Variants in ALPK2 observed in about 807,000 individuals in gnomAD.
ALPK2 encodes the protein alpha-protein kinase 2.
ALPK2 carries 127 observed loss-of-function variants against 163.1 expected under a neutral mutation model. The ratio of observed to expected loss-of-function variants is 0.78; its 90% CI spans 0.67 to 0.90. The LOEUF is 0.90. ALPK2 is among the 40% of genes least tolerant of loss of function. The pLI is 0.00. For missense variants in ALPK2, 2,360 were observed against 2,589.6 expected (o/e 0.91, Z 1.92); for synonymous variants, 953 against 959.1 (o/e 0.99, Z 0.12).
rs1486152969 is a variant in ALPK2 at position 58,579,986 on chromosome 18, G to T, written c.790C>A (p.Pro264Thr). 6.2e-7 allele frequency: 1 copy of T among 1,614,180 alleles called. No homozygotes were observed. The highest frequency in any genetic ancestry group is 2.2e-5 in the East Asian group (1 of 44,886). The change falls in exon 4 of 13, where the codon CCC becomes ACC. Residue 264 changes from proline (P) to threonine (T), a missense_variant. Physicochemically the swap from Pro to Thr is conservative, Grantham distance 38. Coordinates refer to ENST00000361673, the MANE Select transcript of ALPK2 (RefSeq NM_052947.4). Reference sequence around the variant, plus strand: ...AAGCTAATGTATTTCTGTACTTTGGGATTTTGCTGACTAGAGCGTAAGCCT... The same window carrying T: ...AAGCTAATGTATTTCTGTACTTTGGTATTTTGCTGACTAGAGCGTAAGCCT... Reference protein sequence around the residue: ...DEGLRSSQQNPKVQKYISFSL... With the variant: ...DEGLRSSQQNTKVQKYISFSL...
intron 5 of ALPK2, among the ~76,000 whole-genome samples, chr18:58,532,032 A>G (rs1254029453): frequency 6.7e-6 from 1 of 149,676 alleles, no homozygotes; most frequent in Admixed American, 6.7e-5. Context: ...GAAGAGAATT[A>G]TTTTTCCTGT....
At chr18:58,526,240 CAGA>C (rs2051584312) in intron 6 of ALPK2, among the ~76,000 whole-genome samples, 1 of 152,160 alleles carries the variant, frequency 6.6e-6, no homozygotes, top group Admixed American at 6.5e-5. Flanking sequence ...AGAGTGTGAT[CAGA>C]AGAACACAAA....
At chr18:58,616,919 G>A (rs1418388410) in intron 1 of ALPK2, among the ~76,000 whole-genome samples, 2 of 152,120 alleles carry the variant, frequency 1.3e-5, no homozygotes, top group African/African-American at 2.4e-5. Context: ...GGGGGTGGGT[G>A]AGGAGTAGCC....
At chr18:58,527,557 G>C (rs1184399627) in intron 6 of ALPK2, among the ~76,000 whole-genome samples, 1 of 152,210 alleles carries the variant, frequency 6.6e-6, no homozygotes, top group Non-Finnish European at 1.5e-5. Flanking sequence ...AAATATTCAA[G>C]TGGTAATTCT....
At chr18:58,601,410 CAT>C (rs1389288918) in intron 3 of ALPK2, among the ~76,000 whole-genome samples, 5 of 152,198 alleles carry the variant, frequency 3.3e-5, no homozygotes, top group African/African-American at 7.2e-5. Flanking sequence ...AAATTCCACT[CAT>C]GTGAGTACGC....
chr18:58,628,154 A>T (rs2052241383), intron 1 of ALPK2, among the ~76,000 whole-genome samples: 2 of 152,044 alleles, frequency 1.3e-5, no homozygotes, highest in South Asian at 4.2e-4. Context: ...TTTTGCCTTA[A>T]ATTTTTTTTT....
intron 4 of ALPK2, among the ~76,000 whole-genome samples, chr18:58,547,602 A>G (rs1047252620): frequency 1.8e-4 from 27 of 152,350 alleles, no homozygotes; most frequent in African/African-American, 6.5e-4. Context: ...AGAATGCAAC[A>G]CCAGTGGCCT....
rs770352204 is a variant in ALPK2, at chr18:58,537,513, T to G, written c.2674A>C (p.Ser892Arg). The G allele has an allele frequency of 1.2e-5, 19 of 1,612,988 alleles. No individual in the cohort carries two copies. The South Asian group carries it at 2.0e-4, about 17-fold the overall frequency. The change falls in exon 5 of 13, where the codon AGT becomes CGT. Residue 892 changes from serine to arginine, a missense_variant. By Grantham distance (110) the Ser-to-Arg change is moderately radical (BLOSUM62 -1). Coordinates refer to ENST00000361673, the MANE Select transcript of ALPK2 (RefSeq NM_052947.4). ...TGTGAAATGTTCAAGGTGAAAGTACTGGTAAAAAGAGGGGACATGACTGAG... is the reference window on the plus strand; with the variant it reads ...TGTGAAATGTTCAAGGTGAAAGTACGGGTAAAAAGAGGGGACATGACTGAG... ...GNSVMSPLFT[S>R]TFTLNISHTA...
At chr18:58,626,730 A>G (rs1280077770) in intron 1 of ALPK2, among the ~76,000 whole-genome samples, 1 of 152,194 alleles carries the variant, frequency 6.6e-6, no homozygotes, top group Non-Finnish European at 1.5e-5. Flanking sequence ...ACATTCTAAA[A>G]TATCTTTTTT....
chr18:58,537,408 C>A lies in ALPK2; in HGVS notation c.2779G>T (p.Ala927Ser). Residue 927 changes from alanine to serine, a missense_variant, in exon 5 of 13, where the codon GCT (alanine) becomes TCT (serine). Transcript: ENST00000361673. ...CTGGGGCTTGGCTGCTCCTGGCCAGCATGTACTGTGGAGGCCAGTGGGTAG... is the reference window on the plus strand; with the variant it reads ...CTGGGGCTTGGCTGCTCCTGGCCAGAATGTACTGTGGAGGCCAGTGGGTAG... Reference protein sequence around the residue: ...STYPLASTVHAGQEQPSPSNS... With the variant: ...STYPLASTVHSGQEQPSPSNS... 6.2e-7 allele frequency: 1 copy of A among 1,613,690 alleles called. No homozygotes were observed. Among genetic ancestry groups the A allele is most frequent in the Non-Finnish European group, 8.5e-7 (1 of 1,179,720 alleles).
In ALPK2 at chr18:58,485,786, T is replaced by TG. The variant is rs35456524; in HGVS notation, c.6297-3748dup. Among the ~76,000 whole-genome samples, 267 of 151,904 alleles carry TG rather than the reference T, an allele frequency of 1.8e-3. 2 individuals are homozygous for TG. The highest frequency in any genetic ancestry group is 5.8e-3 in the African/African-American group (240 of 41,456). ...TGGATGGTTTAATCCCACCTGCCAC[T>TG]GGGGGGGGACCCCGGTTGCTTCACA... On this transcript the variant is annotated intron_variant, in intron 12 of 12. Coordinates refer to ENST00000361673, the MANE Select transcript of ALPK2 (RefSeq NM_052947.4).
intron 12 of ALPK2, among the ~76,000 whole-genome samples, chr18:58,497,345 A>G (rs1013719417): frequency 2.0e-5 from 3 of 152,246 alleles, no homozygotes; most frequent in Non-Finnish European, 4.4e-5. Context: ...TGGTGGTTCC[A>G]ACACAGAATT....
intron 3 of ALPK2, among the ~76,000 whole-genome samples, chr18:58,586,433 C>A (rs1489274045): frequency 6.6e-6 from 1 of 152,120 alleles, no homozygotes; most frequent in Non-Finnish European, 1.5e-5. Context: ...ATCTGGGGAG[C>A]CTTTATTCGA....
Position 58,537,326 on chromosome 18 carries a change from A to C in ALPK2, c.2861T>G (p.Val954Gly). 1 of 1,614,094 alleles carries C rather than the reference A, an allele frequency of 6.2e-7. No homozygotes were observed. The highest frequency in any genetic ancestry group is 8.5e-7 in the Non-Finnish European group (1 of 1,179,994). ...QLLSSENNPL[V>G]QFKEGGDKSP... ...CTTGTCACCTCCTTCTTTAAATTGC[A>C]CTAAAGGATTGTTCTCAGAAGAAAG... The change falls in exon 5 of 13, where the codon GTG (valine) becomes GGG (glycine). Residue 954 changes from valine to glycine, a missense_variant. By Grantham distance (109) the Val-to-Gly change is moderately radical. Transcript: ENST00000361673.
chr18:58,608,225 C>A (rs955472164), intron 2 of ALPK2, among the ~76,000 whole-genome samples: 4 of 152,224 alleles, frequency 2.6e-5, no homozygotes, highest in Non-Finnish European at 5.9e-5. Flanking sequence ...GCAAATGCCA[C>A]TTTCTTCCTG....
In ALPK2 at chr18:58,535,735, A is replaced by G. The variant is rs759991292; in HGVS notation, c.4452T>C (p.Pro1484=). The G allele has an allele frequency of 2.5e-6, 4 of 1,614,054 alleles. No individual in the cohort carries two copies. The highest frequency in any genetic ancestry group is 1.3e-5 in the African/African-American group (1 of 74,942). ...GCCAAATGGCAGTTTTTGCCTCCTC[A>G]GGTTGAATTTGTTCAGCCTCCTGCT... ...SMKQEAEQIQ[P]EEAKTAIWQV... Residue 1484 remains proline, a synonymous_variant, in exon 5 of 13, where the codon CCT becomes CCC. Transcript: ENST00000361673.
intron 12 of ALPK2, among the ~76,000 whole-genome samples, chr18:58,486,947 A>C (rs1481263524): frequency 6.6e-6 from 1 of 152,224 alleles, no homozygotes; most frequent in Non-Finnish European, 1.5e-5. Context: ...TTTCCCTGCT[A>C]GTGACCCACC....
intron 4 of ALPK2, among the ~76,000 whole-genome samples, chr18:58,553,850 GTTTTTTTTTTTTT>G (rs71173061): frequency 1.4e-5 from 1 of 74,006 alleles, no homozygotes; most frequent in Non-Finnish European, 2.3e-5. Flanking sequence ...TTTTTTTTTG[GTTTTTTTTTTTTT>G]TTTTTTTTTT....
At chr18:58,541,182 G>A (rs1419924956) in intron 4 of ALPK2, among the ~76,000 whole-genome samples, 1 of 152,256 alleles carries the variant, frequency 6.6e-6, no homozygotes, top group African/African-American at 2.4e-5. Flanking sequence ...TATACAGGAA[G>A]TATGGTGGCA....
Sources: allele counts gnomAD v4.1 joint callset (sites outside exome capture counted in the v4.1 genomes callset), GRCh38; gene constraint gnomAD v4.1.1; transcripts MANE v1.5; gene names NCBI Gene and HGNC (gene_info 2026-07-23, HGNC 2026-07-21).